The following PIEZO2 variants were observed in gnomAD, a reference collection of about 807,000 sequenced individuals.
PIEZO2 encodes the protein piezo-type mechanosensitive ion channel component 2.
A neutral mutation model predicts 337.3 loss-of-function variants in PIEZO2; 172 were observed. The ratio of observed to expected loss-of-function variants is 0.51; its 90% CI spans 0.45 to 0.58. PIEZO2 has a LOEUF of 0.58. Among genes scored for constraint, PIEZO2 ranks in the 20% least tolerant of loss-of-function variants. The probability of loss-of-function intolerance (pLI) is 0.00; values close to 1 mark genes in which losing one functional copy is unlikely to be tolerated. For synonymous variants in PIEZO2, 1,251 were observed against 1,228.5 expected, an observed-to-expected ratio of 1.02 and a Z score of -0.38; for missense variants, 3,028 against 3,391.3, an observed-to-expected ratio of 0.89 and a Z score of 2.66.
chr18:11,081,525 TTAAC>T (rs1161781611), intron 1 of PIEZO2, among the ~76,000 whole-genome samples: 1 of 152,152 alleles, frequency 6.6e-6, no homozygotes, highest in Non-Finnish European at 1.5e-5. Context: ...TCAGAAGTGC[TTAAC>T]TAACACATGG....
chr18:10,927,568 C>T (rs1430953399), intron 3 of PIEZO2, among the ~76,000 whole-genome samples: 2 of 152,136 alleles, frequency 1.3e-5, no homozygotes, highest in East Asian at 3.8e-4. Flanking sequence ...CTTGGCACAG[C>T]GCAGAATCCC....
At chr18:10,897,480 C>T (rs1291113233) in intron 4 of PIEZO2, among the ~76,000 whole-genome samples, 1 of 152,168 alleles carries the variant, frequency 6.6e-6, no homozygotes, top group Non-Finnish European at 1.5e-5. Flanking sequence ...TGAGCCACCA[C>T]ACCCGGCCCA....
intron 52 of PIEZO2, among the ~76,000 whole-genome samples, chr18:10,679,539 G>A (rs1400866844): frequency 5.5e-5 from 1 of 18,266 alleles, no homozygotes; most frequent in African/African-American, 7.2e-5. Flanking sequence ...CTAAAAACCA[G>A]TATTAATTTA....
At chr18:10,976,504 G>A (rs1303127389) in intron 3 of PIEZO2, among the ~76,000 whole-genome samples, 2 of 152,042 alleles carry the variant, frequency 1.3e-5, no homozygotes, top group African/African-American at 4.8e-5. Flanking sequence ...CTTGAAATTG[G>A]AACTATAACC....
intron 8 of PIEZO2, among the ~76,000 whole-genome samples, chr18:10,806,119 G>A (rs1344598620): frequency 7.9e-5 from 12 of 152,210 alleles, no homozygotes; most frequent in Non-Finnish European, 1.5e-5. Context: ...GGAATGGTCT[G>A]TGGGTACAAA....
Position 10,962,317 on chromosome 18 carries a change from T to C in PIEZO2, c.286+17218A>G, listed in dbSNP as rs2145385870. Among the ~76,000 whole-genome samples, 1 of 152,300 alleles carries C rather than the reference T, an allele frequency of 6.6e-6. No individual in the cohort carries two copies. Among genetic ancestry groups the C allele is most frequent in the African/African-American group, 2.4e-5 (1 of 41,562 alleles). ...CTCCCCTCCGCTTGCCTGCAGCTTT[T>C]CCTGGTCACTCACGGCCCTCCCTCG... On this transcript the variant is annotated intron_variant, in intron 3 of 55. Coordinates refer to ENST00000674853, the MANE Select transcript of PIEZO2 (RefSeq NM_001378183.1). The surrounding 1 kb of genome is among the most constrained non-coding windows in gnomAD (Gnocchi z 4.1).
chr18:11,049,363 T>C (rs894219304), intron 2 of PIEZO2, among the ~76,000 whole-genome samples: 5 of 152,222 alleles, frequency 3.3e-5, no homozygotes, highest in African/African-American at 1.2e-4. Context: ...CAAGGGTCTG[T>C]CTTCTTTACC....
chr18:11,036,113 GAAC>G (rs1290086672), intron 2 of PIEZO2, among the ~76,000 whole-genome samples: 3 of 152,222 alleles, frequency 2.0e-5, no homozygotes, highest in Non-Finnish European at 2.9e-5. Flanking sequence ...GCAGTACTGA[GAAC>G]CCCTTGGCCT....
intron 2 of PIEZO2, among the ~76,000 whole-genome samples, chr18:10,999,039 A>G (rs1482482640): frequency 6.6e-6 from 1 of 152,094 alleles, no homozygotes; most frequent in Non-Finnish European, 1.5e-5. Context: ...TGTGGCATGC[A>G]AATGTGGAGG....
chr18:10,759,992 A>T lies in PIEZO2; in HGVS notation c.3451-83T>A. 1 of 1,261,462 alleles carries T rather than the reference A, an allele frequency of 7.9e-7. No homozygotes were observed. The highest frequency in any genetic ancestry group is 1.1e-6 in the Non-Finnish European group (1 of 905,388). 78.1% of individuals were successfully genotyped at this position (1,261,462 alleles called of 1,614,324 possible). ...GGTGATAGGTGTCAGGTCTGTGTAGATGGCGGAGACCCATGTCCCTCAGGG... is the reference window on the plus strand; with the variant it reads ...GGTGATAGGTGTCAGGTCTGTGTAGTTGGCGGAGACCCATGTCCCTCAGGG... On this transcript the variant is annotated intron_variant, in intron 24 of 55. Coordinates refer to ENST00000674853, the MANE Select transcript of PIEZO2 (RefSeq NM_001378183.1). The surrounding 1 kb of genome is among the most constrained non-coding windows in gnomAD (Gnocchi z 5.5).
intron 35 of PIEZO2, among the ~76,000 whole-genome samples, chr18:10,732,636 T>C (rs2036832966): frequency 6.6e-6 from 1 of 152,216 alleles, no homozygotes; most frequent in South Asian, 2.1e-4. Context: ...GTATTATTTC[T>C]GAATAACAAA....
At chr18:10,866,652 A>G (rs1276826997) in intron 5 of PIEZO2, among the ~76,000 whole-genome samples, 1 of 152,184 alleles carries the variant, frequency 6.6e-6, no homozygotes, top group Non-Finnish European at 1.5e-5. Context: ...GTGTGTTGGT[A>G]TCAGAGGACA....
chr18:10,820,233 C>T (rs1207697071), intron 7 of PIEZO2, among the ~76,000 whole-genome samples: 1 of 151,878 alleles, frequency 6.6e-6, no homozygotes, highest in Non-Finnish European at 1.5e-5. Flanking sequence ...ATTTGGGAAA[C>T]ATTTGGCTGT....
chr18:10,757,873 T>A (rs1311773976), intron 27 of PIEZO2, 96 bp downstream of exon 27: 14 of 1,258,118 alleles, frequency 1.1e-5, no homozygotes, highest in Non-Finnish European at 1.3e-5. Context: ...ATTCAGCAGA[T>A]CTGTTTCCCA....
chr18:11,061,758 G>T (rs1278507122), intron 2 of PIEZO2, among the ~76,000 whole-genome samples: 1 of 152,098 alleles, frequency 6.6e-6, no homozygotes, highest in African/African-American at 2.4e-5. Context: ...AATAAAAGAG[G>T]ATACAAACAA....
chr18:10,811,409 G>A (rs894718174), intron 7 of PIEZO2, among the ~76,000 whole-genome samples: 1 of 152,170 alleles, frequency 6.6e-6, no homozygotes, highest in Non-Finnish European at 1.5e-5. Flanking sequence ...CTTAGGGTAC[G>A]GAAGGTTTTA....
Position 10,784,230 on chromosome 18 carries a change from G to A in PIEZO2, c.2492+554C>T, listed in dbSNP as rs1338193083. 6.6e-6 allele frequency among the ~76,000 whole-genome samples: 1 copy of A among 152,208 alleles called. No individual in the cohort carries two copies. Among genetic ancestry groups the A allele is most frequent in the Non-Finnish European group, 1.5e-5 (1 of 68,048 alleles). The stretch of plus-strand genomic sequence containing the variant: ...TATTTGCAAACAATGTATATTTATT[G>A]ATGAGGATAAAACAGCCGTAAGCTG... On this transcript the variant is annotated intron_variant, in intron 17 of 55. Coordinates refer to ENST00000674853, the MANE Select transcript of PIEZO2 (RefSeq NM_001378183.1). The surrounding 1 kb of genome is among the most constrained non-coding windows in gnomAD (Gnocchi z 4.5).
Position 11,145,017 on chromosome 18 carries a change from G to A in PIEZO2, c.64+3508C>T, listed in dbSNP as rs139078516. Among the ~76,000 whole-genome samples the A allele has an allele frequency of 1.9e-3, 290 of 152,206 alleles. 1 individual carries two copies. Among genetic ancestry groups the A allele is most frequent in the African/African-American group, 6.4e-3 (264 of 41,510 alleles). ...ACGGGTGGTATAGTAGAATCCTGTTGAAAGAAACTAAACGTAAAATATGTG... is the reference window on the plus strand; with the variant it reads ...ACGGGTGGTATAGTAGAATCCTGTTAAAAGAAACTAAACGTAAAATATGTG... On this transcript the variant is annotated intron_variant, in intron 1 of 55. Coordinates refer to ENST00000674853, the MANE Select transcript of PIEZO2 (RefSeq NM_001378183.1).
chr18:10,687,982 A>G (rs1223808271), intron 49 of PIEZO2, among the ~76,000 whole-genome samples: 1 of 152,214 alleles, frequency 6.6e-6, no homozygotes, highest in Admixed American at 6.5e-5. Flanking sequence ...ATTTTATTTT[A>G]CTTTATTTTA....
Sources: gnomAD v4.1 joint callset for allele counts (sites outside exome capture counted in the v4.1 genomes callset) on GRCh38, gnomAD v4.1.1 for gene constraint, Gnocchi (gnomAD v3.1) non-coding constraint, MANE v1.5 for transcripts, NCBI Gene and HGNC (gene_info 2026-07-23, HGNC 2026-07-21) for gene names.